The following TRIM16 variants were observed in gnomAD, a reference collection of about 807,000 sequenced individuals.
The protein encoded by TRIM16 is tripartite motif containing 16, also known as tripartite motif-containing protein 16.
In TRIM16, 33 loss-of-function variants were observed where a neutral mutation model predicts 50.4. That is an observed-to-expected ratio of 0.65 (90% CI 0.50 to 0.88). TRIM16 has a LOEUF of 0.88. TRIM16 is among the 40% of genes least tolerant of loss of function. TRIM16 has a pLI of 0.00. For missense variants in TRIM16, 581 were observed against 686.8 expected, an observed-to-expected ratio of 0.85 and a Z score of 1.72; for synonymous variants, 229 against 270.7, an observed-to-expected ratio of 0.85 and a Z score of 1.51.
chr17:15,670,519 C>T (rs9904500), intron 6 of TRIM16, among the ~76,000 whole-genome samples: 3,930 of 152,232 alleles, frequency 0.026, 170 homozygotes, highest in African/African-American at 0.091. Context: ...AAGCTCAGCT[C>T]CACTATCCAC....
At chr17:15,644,145 T>G (rs1987243742) in intron 7 of TRIM16, among the ~76,000 whole-genome samples, 1 of 152,174 alleles carries the variant, frequency 6.6e-6, no homozygotes. Flanking sequence ...TTCCACCCCT[T>G]CAGCAATCCA....
At chr17:15,637,119 G>GA (rs1170807068) in intron 8 of TRIM16, among the ~76,000 whole-genome samples, 3 of 135,802 alleles carry the variant, frequency 2.2e-5, no homozygotes, top group Non-Finnish European at 3.2e-5. Flanking sequence ...GGGAGGTGGG[G>GA]GGGGGGGGTC....
intron 6 of TRIM16, among the ~76,000 whole-genome samples, chr17:15,665,293 A>T (rs1351874257): frequency 2.6e-5 from 4 of 152,068 alleles, no homozygotes; most frequent in Non-Finnish European, 5.9e-5. Context: ...CGGGCAGATC[A>T]CGAGGTCAGA....
At chr17:15,632,754 T>G (rs1039890257) in intron 9 of TRIM16, 80 bp from the exon 10 acceptor site, 35 of 1,423,710 alleles carry the variant, frequency 2.5e-5, no homozygotes, top group Non-Finnish European at 3.3e-5. Context: ...AAGTCACTTT[T>G]TGCATCTGTA....
chr17:15,628,672 T>C lies in TRIM16; in HGVS notation c.1638A>G (p.Val546=). Reference sequence around the variant, plus strand: ...GCTTCTCGGGTTCCTCTCCCAGATCTACAATCCGGATGGCGTTTTCCTTCT... The same window carrying C: ...GCTTCTCGGGTTCCTCTCCCAGATCCACAATCCGGATGGCGTTTTCCTTCT... The part of the protein sequence containing the change: ...LSKKENAIRI[V]DLGEEPEKPA... The change falls in exon 12 of 12, where the codon GTA becomes GTG. Residue 546 remains valine (V), a synonymous_variant. Transcript: ENST00000649191. 1.9e-6 allele frequency: 3 copies of C among 1,614,136 alleles called. No individual in the cohort carries two copies. The highest frequency in any genetic ancestry group is 1.1e-5 in the South Asian group (1 of 91,084).
intron 3 of TRIM16, 99 bp from the exon 4 acceptor site, chr17:15,681,052 T>C: frequency 1.8e-5 from 21 of 1,181,428 alleles, no homozygotes; most frequent in Non-Finnish European, 2.5e-5. Flanking sequence ...GCCTCTGACC[T>C]TGGCTGTCCA....
At chr17:15,649,617 T>C (rs1331703579) in intron 7 of TRIM16, among the ~76,000 whole-genome samples, 3 of 152,164 alleles carry the variant, frequency 2.0e-5, no homozygotes, top group Non-Finnish European at 4.4e-5. Flanking sequence ...TCTTCATGCA[T>C]CACTTTTCCA....
chr17:15,674,807 T>G (rs1032101152), intron 6 of TRIM16, among the ~76,000 whole-genome samples: 2 of 152,182 alleles, frequency 1.3e-5, no homozygotes, highest in African/African-American at 4.8e-5. Context: ...GCCTATTAAC[T>G]GAGTCCCTCA....
At chr17:15,671,971 TA>T (rs66524923) in intron 6 of TRIM16, among the ~76,000 whole-genome samples, 3,468 of 152,132 alleles carry the variant, frequency 0.023, 134 homozygotes, top group African/African-American at 0.078. Context: ...AAAGAAAACC[TA>T]AAAAGTATTA....
intron 6 of TRIM16, among the ~76,000 whole-genome samples, chr17:15,672,264 A>AAT (rs1988759670): frequency 1.3e-5 from 2 of 150,436 alleles, no homozygotes; most frequent in East Asian, 3.9e-4. Context: ...AAGAGATCAA[A>AAT]ATATCAGAAC....
chr17:15,674,110 G>A lies in TRIM16; in HGVS notation c.-338+3066C>T, dbSNP rs372685122. 2.2e-4 allele frequency among the ~76,000 whole-genome samples: 34 copies of A among 152,268 alleles called. 1 individual carries two copies. In the East Asian group the frequency reaches 3.9e-3, roughly 17 times the overall value. On this transcript the variant is annotated intron_variant, in intron 6 of 11. Transcript: ENST00000649191. ...CAATAGGCCGGGCGCGGTGGCTCACGCCTGTAATCCCAGCACTTTGGGAGG... is the reference window on the plus strand; with the variant it reads ...CAATAGGCCGGGCGCGGTGGCTCACACCTGTAATCCCAGCACTTTGGGAGG...
chr17:15,657,030 T>C (rs566661930), intron 6 of TRIM16, among the ~76,000 whole-genome samples: 1 of 151,860 alleles, frequency 6.6e-6, no homozygotes, highest in South Asian at 2.1e-4. Context: ...CCTCCCAAAC[T>C]GCTGGGATTA....
intron 7 of TRIM16, among the ~76,000 whole-genome samples, chr17:15,644,565 C>T (rs1987268471): frequency 6.6e-6 from 1 of 152,156 alleles, no homozygotes; most frequent in African/African-American, 2.4e-5. Context: ...ATCCTCTCAA[C>T]CTTCAGCCTC....
intron 9 of TRIM16, among the ~76,000 whole-genome samples, chr17:15,634,365 CACT>C (rs1986609936): frequency 6.8e-6 from 1 of 146,738 alleles, no homozygotes; most frequent in Admixed American, 6.7e-5. Context: ...CGCGGTGGCT[CACT>C]CCTGTAATCG....
chr17:15,628,707 A>G lies in TRIM16; in HGVS notation c.1603T>C (p.Trp535Arg), dbSNP rs769031819. Reference sequence around the variant, plus strand: ...ATGGCGTTTTCCTTCTTGGAAAGCCAGAAGGCAGCATAGACTGGTTCTGAA... The same window carrying G: ...ATGGCGTTTTCCTTCTTGGAAAGCCGGAAGGCAGCATAGACTGGTTCTGAA... ...KFSEPVYAAF[W>R]LSKKENAIRI... The change falls in exon 12 of 12, where the codon TGG (tryptophan) becomes CGG (arginine). Residue 535 changes from tryptophan (W) to arginine (R), a missense_variant. Trp to Arg is a moderately radical substitution (Grantham distance 101, BLOSUM62 -3). This residue lies in a region of TRIM16 where 115 missense variants were observed against 106.7 expected (regional missense o/e 1.08). Coordinates refer to ENST00000649191, the MANE Select transcript of TRIM16 (RefSeq NM_001348119.1). 31 of 1,614,074 alleles carry G rather than the reference A, an allele frequency of 1.9e-5. No homozygotes were observed. The Admixed American group carries it at 5.2e-4, about 27-fold the overall frequency.
chr17:15,682,694 T>G (rs1367318995), intron 3 of TRIM16, among the ~76,000 whole-genome samples, 160 bp downstream of exon 3: 8 of 152,248 alleles, frequency 5.3e-5, no homozygotes, highest in Non-Finnish European at 1.2e-4. Context: ...CCATACCTAT[T>G]TCTTTCTTCT....
chr17:15,681,530 T>C (rs1166796231), intron 3 of TRIM16, among the ~76,000 whole-genome samples: 1 of 152,254 alleles, frequency 6.6e-6, no homozygotes, highest in Non-Finnish European at 1.5e-5. Context: ...CTGAGCACGG[T>C]GTACTTGGCA....
chr17:15,658,813 G>A, intron 6 of TRIM16: 1 of 985,436 alleles, frequency 1.0e-6, no homozygotes, highest in Non-Finnish European at 1.2e-6. Context: ...TGGAGGTGCA[G>A]GCCCAATGAA....
chr17:15,637,230 C>A, intron 8 of TRIM16, among the ~76,000 whole-genome samples: 1 of 139,326 alleles, frequency 7.2e-6, no homozygotes, highest in African/African-American at 2.7e-5. Context: ...GGGGGGTCAG[C>A]CCCCCGCCCG....
Sources: gnomAD v4.1 joint callset for allele counts (sites outside exome capture counted in the v4.1 genomes callset) on GRCh38, gnomAD v4.1.1 for gene constraint, gnomAD v4.1.1 regional missense constraint, MANE v1.5 for transcripts, NCBI Gene and HGNC (gene_info 2026-07-23, HGNC 2026-07-21) for gene names.